PCDHA4: variants seen among roughly 807,000 people sequenced by gnomAD.
PCDHA4 encodes the protein protocadherin alpha 4.
Under a neutral mutation model 61.4 loss-of-function variants are expected in PCDHA4, and 49 were observed. The observed-to-expected ratio is 0.80, with a 90% CI of 0.63 to 1.01. The LOEUF (loss-of-function observed/expected upper bound fraction) is 1.01. Among genes scored for constraint, PCDHA4 ranks in the 50% least tolerant of loss-of-function variants. PCDHA4 has a pLI of 0.00. For missense variants in PCDHA4, 1,254 were observed against 1,235.8 expected, an observed-to-expected ratio of 1.01 and a Z score of -0.22; for synonymous variants, 590 against 550.3, an observed-to-expected ratio of 1.07 and a Z score of -1.01.
Position 140,989,317 on chromosome 5 carries a change from C to T in PCDHA4, c.2533+6754C>T, listed in dbSNP as rs184467267. Among the ~76,000 whole-genome samples, 489 of 152,240 alleles carry T rather than the reference C, an allele frequency of 3.2e-3. 2 individuals carry two copies. Among genetic ancestry groups the T allele is most frequent in the African/African-American group, 0.011 (440 of 41,530 alleles). Reference sequence around the variant, plus strand: ...AAAGGGCCAAGGAAGTAGGGTCTCACCAACTTTGCCACCTGACTCAGCTCA... The same window carrying T: ...AAAGGGCCAAGGAAGTAGGGTCTCATCAACTTTGCCACCTGACTCAGCTCA... On this transcript the variant is annotated intron_variant, in intron 3 of 3. Transcript: ENST00000530339.
chr5:140,928,478 A>G (rs1554205922), intron 1 of PCDHA4: 1 of 1,614,132 alleles, frequency 6.2e-7, no homozygotes, highest in East Asian at 2.2e-5. Context: ...GAAGGCCGGG[A>G]TGGTGGCATT....
intron 1 of PCDHA4, chr5:140,823,546 G>T (rs1264438585): frequency 6.2e-7 from 1 of 1,613,754 alleles, no homozygotes; most frequent in Non-Finnish European, 8.5e-7. Context: ...CCACGTGGTG[G>T]CGAAGGTGCG....
At chr5:140,975,056 A>G (rs1006106436) in intron 1 of PCDHA4, among the ~76,000 whole-genome samples, 3 of 152,154 alleles carry the variant, frequency 2.0e-5, no homozygotes, top group Non-Finnish European at 4.4e-5. Flanking sequence ...AGAATCTACT[A>G]TCGAGCTCAT....
chr5:140,887,120 G>A (rs2061314160), intron 1 of PCDHA4, among the ~76,000 whole-genome samples: 1 of 148,878 alleles, frequency 6.7e-6, no homozygotes, highest in African/African-American at 2.5e-5. Context: ...TTTTTGAGAC[G>A]GAGTCTCACT....
At chr5:140,912,472 G>A (rs993404931) in intron 1 of PCDHA4, among the ~76,000 whole-genome samples, 4 of 151,836 alleles carry the variant, frequency 2.6e-5, no homozygotes, top group African/African-American at 9.7e-5. Context: ...GAACTTTACT[G>A]AATTCATTTA....
chr5:140,850,912 T>G (rs2150501930), intron 1 of PCDHA4: 2 of 1,541,844 alleles, frequency 1.3e-6, no homozygotes, highest in South Asian at 2.5e-5. Context: ...AGCATTTTAT[T>G]TATTTATATA....
intron 1 of PCDHA4, chr5:140,882,711 C>A: frequency 6.2e-7 from 1 of 1,614,160 alleles, no homozygotes; most frequent in Non-Finnish European, 8.5e-7. Flanking sequence ...TCTAGACCTC[C>A]GGAAACTCGA....
At position 140,808,489 on chromosome 5, in the gene PCDHA4, G is replaced by C. The variant is rs782060107; in HGVS notation, c.1302G>C (p.Ser434=). 6.8e-6 allele frequency: 11 copies of C among 1,614,040 alleles called. No homozygotes were observed. The highest frequency in any genetic ancestry group is 9.3e-6 in the Non-Finnish European group (11 of 1,180,054). ...CCGCGCGAGACGGGGGCTCGCCTTC[G>C]CTGTGGGCCACGGCCAGTGTTTCTG... ...VVTARDGGSP[S]LWATASVSVE... The change falls in exon 1 of 4, where the codon TCG becomes TCC. Residue 434 remains serine (S), a synonymous_variant. Coordinates refer to ENST00000530339, the MANE Select transcript of PCDHA4 (RefSeq NM_018907.4).
intron 3 of PCDHA4, among the ~76,000 whole-genome samples, chr5:141,002,788 A>G (rs1013908430): frequency 6.6e-6 from 1 of 152,192 alleles, no homozygotes; most frequent in Admixed American, 6.5e-5. Context: ...TCTCCATTTT[A>G]TGGATGAGGA....
intron 1 of PCDHA4, chr5:140,857,643 T>C (rs1406049950): frequency 4.4e-6 from 7 of 1,596,508 alleles, no homozygotes; most frequent in Non-Finnish European, 5.1e-6. Flanking sequence ...CTGCTACAGT[T>C]CCAGGTGAGC....
At chr5:140,915,232 C>T (rs1554196813) in intron 1 of PCDHA4, among the ~76,000 whole-genome samples, 1 of 152,156 alleles carries the variant, frequency 6.6e-6, no homozygotes, top group Non-Finnish European at 1.5e-5. Flanking sequence ...CAGGCATGAG[C>T]CACCATGCCT....
intron 1 of PCDHA4, among the ~76,000 whole-genome samples, chr5:140,845,892 T>C (rs1282025011): frequency 4.0e-5 from 6 of 149,784 alleles, no homozygotes; most frequent in African/African-American, 1.5e-4. Context: ...CAGAAAGTCG[T>C]TATGGCCTTC....
At position 140,809,254 on chromosome 5, in the gene PCDHA4, C is replaced by G; in HGVS notation, c.2067C>G (p.Pro689=). The G allele has an allele frequency of 1.2e-6, 2 of 1,614,064 alleles. No homozygotes were observed. The highest frequency in any genetic ancestry group is 1.7e-6 in the Non-Finnish European group (2 of 1,179,958). The change falls in exon 1 of 4, where the codon CCC becomes CCG. Residue 689 remains proline (P), a synonymous_variant. Coordinates refer to ENST00000530339, the MANE Select transcript of PCDHA4 (RefSeq NM_018907.4). ...GGGCGTTGGTGGGCGCTGTGGGTCC[C>G]GATGCTGCGCTGGTGGATGTCAACG... The part of the protein sequence containing the change: ...SSRALVGAVG[P]DAALVDVNVY...
At position 140,807,790 on chromosome 5, in the gene PCDHA4, C is replaced by G; in HGVS notation, c.603C>G (p.Asp201Glu). ...GGCTTATATTACGGAAATCTTTAGACAGAGAAGAAGCTCCGGAGATTTTTT... is the reference window on the plus strand; with the variant it reads ...GGCTTATATTACGGAAATCTTTAGAGAGAGAAGAAGCTCCGGAGATTTTTT... ...GLGLILRKSL[D>E]REEAPEIFLV... is the part of the protein sequence containing the mutation. The change falls in exon 1 of 4, where the codon GAC (aspartate) becomes GAG (glutamate). Residue 201 changes from aspartate to glutamate, a missense_variant. Transcript: ENST00000530339. 6.2e-7 allele frequency: 1 copy of G among 1,614,150 alleles called. No individual in the cohort carries two copies. Among genetic ancestry groups the G allele is most frequent in the Non-Finnish European group, 8.5e-7 (1 of 1,180,040 alleles).
At chr5:140,877,082 C>A in intron 1 of PCDHA4, 1 of 1,613,120 alleles carries the variant, frequency 6.2e-7, no homozygotes, top group African/African-American at 1.3e-5. Flanking sequence ...CAGGTGAGCG[C>A]GCGCGACGCC....
intron 1 of PCDHA4, chr5:140,884,343 C>T (rs368888498): frequency 1.2e-6 from 2 of 1,613,900 alleles, no homozygotes; most frequent in Non-Finnish European, 1.7e-6. Context: ...CCAGAAGCGG[C>T]GCTGGTGGAT....
Position 140,982,486 on chromosome 5 carries a change from T to C in PCDHA4, c.2456T>C (p.Leu819Pro). ...LRAGMHSSVH[L>P]EEAGILRAGP... Reference sequence around the variant, plus strand: ...GTGTGTTTATTCAGCTCTGTGCACCTAGAGGAGGCTGGCATTCTACGGGCT... The same window carrying C: ...GTGTGTTTATTCAGCTCTGTGCACCCAGAGGAGGCTGGCATTCTACGGGCT... Residue 819 changes from leucine to proline, a missense_variant, in exon 3 of 4, where the codon CTA (leucine) becomes CCA (proline). Physicochemically the swap from Leu to Pro is moderately conservative, Grantham distance 98. Coordinates refer to ENST00000530339, the MANE Select transcript of PCDHA4 (RefSeq NM_018907.4). The C allele has an allele frequency of 6.2e-7, 1 of 1,614,180 alleles. No individual in the cohort carries two copies. Among genetic ancestry groups the C allele is most frequent in the South Asian group, 1.1e-5 (1 of 91,086 alleles).
At chr5:140,856,229 C>G (rs17844338) in intron 1 of PCDHA4, 1 of 1,597,934 alleles carries the variant, frequency 6.3e-7, no homozygotes, top group South Asian at 1.1e-5. Context: ...GCTGGTGCAG[C>G]GCCTGTTCCG....
intron 3 of PCDHA4, among the ~76,000 whole-genome samples, chr5:141,008,201 A>T (rs2098364434): frequency 6.6e-6 from 1 of 152,212 alleles, no homozygotes; most frequent in Admixed American, 6.5e-5. Context: ...TAATATAATG[A>T]ACTTGACATG....
Sources: gnomAD v4.1 joint callset for allele counts (sites outside exome capture counted in the v4.1 genomes callset) on GRCh38, gnomAD v4.1.1 for gene constraint, MANE v1.5 for transcripts, NCBI Gene and HGNC (gene_info 2026-07-23, HGNC 2026-07-21) for gene names.